IQGAP1: variants seen among roughly 807,000 people sequenced by gnomAD.
IQGAP1 encodes the protein ras GTPase-activating-like protein IQGAP1.
IQGAP1 carries 66 observed loss-of-function variants against 215.6 expected under a neutral mutation model. That is an observed-to-expected ratio of 0.31 (90% CI 0.25 to 0.38). The LOEUF (loss-of-function observed/expected upper bound fraction) is 0.38. Among genes scored for constraint, IQGAP1 ranks in the 10% least tolerant of loss-of-function variants. The pLI is 1.00. For synonymous variants in IQGAP1, 772 were observed against 728.7 expected, an observed-to-expected ratio of 1.06 and a Z score of -0.96; for missense variants, 1,712 against 1,997.1, an observed-to-expected ratio of 0.86 and a Z score of 2.72.
chr15:90,421,986 G>T (rs1030302137), intron 2 of IQGAP1, among the ~76,000 whole-genome samples: 1 of 152,152 alleles, frequency 6.6e-6, no homozygotes, highest in African/African-American at 2.4e-5. Context: ...TATAAGAAAG[G>T]TTTTGTGTCT....
intron 27 of IQGAP1, 37 bp from the exon 28 acceptor site, chr15:90,482,160 C>T: frequency 6.2e-7 from 1 of 1,614,082 alleles, no homozygotes; most frequent in South Asian, 1.1e-5. Context: ...CCTTTCTGCT[C>T]CTTGGCCCTT....
chr15:90,415,144 T>C (rs180692444), intron 2 of IQGAP1, among the ~76,000 whole-genome samples: 64 of 152,330 alleles, frequency 4.2e-4, no homozygotes, highest in Middle Eastern at 3.4e-3. Flanking sequence ...GATGGTGATA[T>C]TGTTACTTTA....
At chr15:90,467,710 A>G in intron 18 of IQGAP1, 118 bp downstream of exon 18, 1 of 1,037,368 alleles carries the variant, frequency 9.6e-7, no homozygotes, top group Non-Finnish European at 1.4e-6. Flanking sequence ...GAGGTTATGT[A>G]ATGAGCTGTT....
intron 2 of IQGAP1, among the ~76,000 whole-genome samples, chr15:90,414,558 A>AT (rs1423069783): frequency 6.6e-6 from 1 of 151,758 alleles, no homozygotes; most frequent in Non-Finnish European, 1.5e-5. Context: ...CAGTTTGCTG[A>AT]TTTTTTCCTT....
chr15:90,426,343 A>G lies in IQGAP1; in HGVS notation c.312+77A>G, dbSNP rs1965222476. On this transcript the variant is annotated intron_variant, in intron 3 of 37. Coordinates refer to ENST00000268182, the MANE Select transcript of IQGAP1 (RefSeq NM_003870.4). Reference sequence around the variant, plus strand: ...GCATGTTTTATTTTGTGTAAGAGTTATTGAGAAGTCTGTGTAAGGTGTGTT... The same window carrying G: ...GCATGTTTTATTTTGTGTAAGAGTTGTTGAGAAGTCTGTGTAAGGTGTGTT... 4.0e-6 allele frequency: 6 copies of G among 1,481,600 alleles called. No homozygotes were observed. In the Admixed American group the frequency reaches 1.4e-4, roughly 34 times the overall value. The allele number at this position is 1,481,600 out of a possible 1,614,324, so 91.8% of individuals were successfully genotyped here.
In IQGAP1 at chr15:90,476,411, A is replaced by G. The variant is rs527391966; in HGVS notation, c.2785-252A>G. Reference sequence around the variant, plus strand: ...ATTGTATTTAAGACTTATTTTTATAATAGACTGCTGGAAGTTGGTTTGCCA... The same window carrying G: ...ATTGTATTTAAGACTTATTTTTATAGTAGACTGCTGGAAGTTGGTTTGCCA... On this transcript the variant is annotated intron_variant, in intron 23 of 37. Transcript: ENST00000268182. Among the ~76,000 whole-genome samples the G allele has an allele frequency of 4.6e-5, 7 of 152,326 alleles. No individual in the cohort carries two copies. The East Asian group carries it at 5.8e-4, about 13-fold the overall frequency.
chr15:90,466,275 T>A lies in IQGAP1; in HGVS notation c.1874T>A (p.Leu625Ter). 6.2e-7 allele frequency: 1 copy of A among 1,614,064 alleles called. No individual in the cohort carries two copies. Among genetic ancestry groups the A allele is most frequent in the Non-Finnish European group, 8.5e-7 (1 of 1,179,938 alleles). ...KDTQEAQKFA[L>*]GIFAINEAVE... is the part of the protein sequence containing the mutation. ...CAGTTCTTTCCCGAAATAGTTGCCT[T>A]AGGAATCTTTGCCATTAATGAGGCA... The change falls in exon 17 of 38, where the codon TTA becomes TAA. Residue 625 changes from leucine to a stop codon, truncating the protein, a stop_gained. Coordinates refer to ENST00000268182, the MANE Select transcript of IQGAP1 (RefSeq NM_003870.4). LOFTEE classifies it high-confidence loss of function.
intron 2 of IQGAP1, among the ~76,000 whole-genome samples, chr15:90,419,140 G>GAAA (rs200209041): frequency 7.1e-4 from 80 of 112,170 alleles, no homozygotes; most frequent in African/African-American, 2.5e-3. Flanking sequence ...TCTCAAAAAA[G>GAAA]AAAAAAAAAA....
intron 6 of IQGAP1, 125 bp downstream of exon 6, chr15:90,439,524 C>T (rs6496675): frequency 0.35 from 211,755 of 603,712 alleles, 40,667 homozygotes; most frequent in African/African-American, 0.66. Flanking sequence ...GAAAAAAATA[C>T]GAATAACTTG....
In IQGAP1 at chr15:90,466,536, T is replaced by C. The variant is rs886901945; in HGVS notation, c.2035+100T>C. On this transcript the variant is annotated intron_variant, in intron 17 of 37. Coordinates refer to ENST00000268182, the MANE Select transcript of IQGAP1 (RefSeq NM_003870.4). ...GGATAAGCTATAGGGAAAGACCTTTTAGCATAGATGTACAGTACTTAGGCT... is the reference window on the plus strand; with the variant it reads ...GGATAAGCTATAGGGAAAGACCTTTCAGCATAGATGTACAGTACTTAGGCT... 3 of 1,147,608 alleles carry C rather than the reference T, an allele frequency of 2.6e-6. No individual in the cohort carries two copies. The African/African-American group carries it at 4.6e-5, about 18-fold the overall frequency. The allele number at this position is 1,147,608 out of a possible 1,614,324, so 71.1% of individuals were successfully genotyped here.
At chr15:90,468,345 G>A (rs193021112) in intron 18 of IQGAP1, among the ~76,000 whole-genome samples, 263 of 152,246 alleles carry the variant, frequency 1.7e-3, no homozygotes, top group Middle Eastern at 6.8e-3. Flanking sequence ...GATTACAGGC[G>A]TGAGCCAGCA....
chr15:90,418,273 T>A (rs1965081803), intron 2 of IQGAP1, among the ~76,000 whole-genome samples: 1 of 151,520 alleles, frequency 6.6e-6, no homozygotes, highest in African/African-American at 2.4e-5. Context: ...AAAAATAGAA[T>A]AAATATGAAA....
At chr15:90,416,167 C>T (rs1176690204) in intron 2 of IQGAP1, among the ~76,000 whole-genome samples, 1 of 152,078 alleles carries the variant, frequency 6.6e-6, no homozygotes, top group Non-Finnish European at 1.5e-5. Context: ...CTATCCCTCC[C>T]GCCTCCCCCT....
chr15:90,394,905 A>G (rs1171977810), intron 2 of IQGAP1, among the ~76,000 whole-genome samples: 1 of 152,190 alleles, frequency 6.6e-6, no homozygotes, highest in African/African-American at 2.4e-5. Context: ...TTGGGAAAAG[A>G]GAGGAGTGTG....
chr15:90,462,060 C>T (rs959369755), intron 15 of IQGAP1, among the ~76,000 whole-genome samples: 8 of 151,530 alleles, frequency 5.3e-5, no homozygotes, highest in African/African-American at 1.5e-4. Context: ...CCCAGCTACT[C>T]GGGAGGCTGA....
In IQGAP1 at chr15:90,494,763, C is replaced by A; in HGVS notation, c.4679C>A (p.Ser1560Tyr). 1.2e-6 allele frequency: 2 copies of A among 1,609,132 alleles called. No individual in the cohort carries two copies. Among genetic ancestry groups the A allele is most frequent in the Non-Finnish European group, 1.7e-6 (2 of 1,176,786 alleles). ...AAAGGAAAGAAAAGCAAAAAGATTTCTCTGAAATATACAGCAGCAAGACTA... is the reference window on the plus strand; with the variant it reads ...AAAGGAAAGAAAAGCAAAAAGATTTATCTGAAATATACAGCAGCAAGACTA... The part of the protein sequence containing the change: ...EMKGKKSKKI[S>Y]LKYTAARLHE... The change falls in exon 36 of 38, where the codon TCT becomes TAT. Residue 1560 changes from serine to tyrosine, a missense_variant. By Grantham distance (144) the Ser-to-Tyr change is moderately radical. This residue lies in a region of IQGAP1 where 691 missense variants were observed against 923.0 expected (regional missense o/e 0.75). Coordinates refer to ENST00000268182, the MANE Select transcript of IQGAP1 (RefSeq NM_003870.4).
intron 3 of IQGAP1, among the ~76,000 whole-genome samples, chr15:90,427,935 TTTTTATG>T (rs1404441179): frequency 6.6e-6 from 1 of 152,162 alleles, no homozygotes; most frequent in African/African-American, 2.4e-5. Flanking sequence ...AAAGAGATAA[TTTTTATG>T]TTTTATGTTT....
Position 90,472,920 on chromosome 15 carries a change from G to C in IQGAP1, c.2259G>C (p.Gln753His). The C allele has an allele frequency of 2.5e-6, 4 of 1,613,956 alleles. No homozygotes were observed. The highest frequency in any genetic ancestry group is 3.4e-6 in the Non-Finnish European group (4 of 1,179,944). ...LANEGLITRL[Q>H]ARCRGYLVRQ... ...ATGAAGGCCTGATCACCAGGCTGCAGGCTCGCTGCCGTGGATACTTAGTTC... is the reference window on the plus strand; with the variant it reads ...ATGAAGGCCTGATCACCAGGCTGCACGCTCGCTGCCGTGGATACTTAGTTC... The change falls in exon 19 of 38, where the codon CAG becomes CAC. Residue 753 changes from glutamine (Q) to histidine (H), a missense_variant. Transcript: ENST00000268182.
Position 90,429,680 on chromosome 15 carries a change from G to A in IQGAP1, c.390+14G>A. ...GGATTGCCTAAGGTAACTTACCTGA[G>A]ATAATAGTTTAGGCTTTGTTCCAGC... On this transcript the variant is annotated intron_variant, in intron 4 of 37. Coordinates refer to ENST00000268182, the MANE Select transcript of IQGAP1 (RefSeq NM_003870.4). The A allele has an allele frequency of 6.4e-7, 1 of 1,554,026 alleles. No individual in the cohort carries two copies. Among genetic ancestry groups the A allele is most frequent in the Non-Finnish European group, 8.8e-7 (1 of 1,136,548 alleles).
Sources: allele counts gnomAD v4.1 joint callset (sites outside exome capture counted in the v4.1 genomes callset), GRCh38; gene constraint gnomAD v4.1.1; regional missense constraint gnomAD v4.1.1; transcripts MANE v1.5; gene names NCBI Gene and HGNC (gene_info 2026-07-23, HGNC 2026-07-21).